TMEM201: variants seen among roughly 807,000 people sequenced by gnomAD.
TMEM201 encodes the protein transmembrane protein 201, also known as RP13-15M17.2.
A neutral mutation model predicts 63.4 loss-of-function variants in TMEM201; 26 were observed. The observed-to-expected ratio is 0.41, with a 90% CI of 0.30 to 0.57. The LOEUF is 0.57. Ranked by LOEUF, TMEM201 falls within the 20% of genes least tolerant of loss-of-function variation. The probability of loss-of-function intolerance (pLI) is 0.29; values close to 1 mark genes in which losing one functional copy is unlikely to be tolerated. For missense variants in TMEM201, 794 were observed against 917.7 expected (o/e 0.87, Z 1.74); for synonymous variants, 417 against 421.6 (o/e 0.99, Z 0.14).
In TMEM201 at chr1:9,610,547, C is replaced by T. The variant is rs1644308062; in HGVS notation, c.1507C>T (p.Leu503Phe). 6.5e-7 allele frequency: 1 copy of T among 1,546,616 alleles called. No homozygotes were observed. Among genetic ancestry groups the T allele is most frequent in the Admixed American group, 2.0e-5 (1 of 50,868 alleles). Residue 503 changes from leucine (L) to phenylalanine (F), a missense_variant, in exon 9 of 11, where the codon CTC becomes TTC. Leu to Phe is a conservative substitution (Grantham distance 22). Coordinates refer to ENST00000340381, the MANE Select transcript of TMEM201 (RefSeq NM_001130924.3). The surrounding 1 kb of genome is among the most constrained non-coding windows in gnomAD (Gnocchi z 4.9). ...LLSGSCPSSP[L>F]PSPAPSVAGS... ...GTCGGGGAGCTGCCCCTCCTCCCCA[C>T]TCCCTTCCCCAGCGCCTTCCGTGGC...
chr1:9,604,627 C>T lies in TMEM201; in HGVS notation c.1160+2355C>T. 1.0e-6 allele frequency: 1 copy of T among 985,606 alleles called. No individual in the cohort carries two copies. Among genetic ancestry groups the T allele is most frequent in the African/African-American group, 1.7e-5 (1 of 57,346 alleles). The allele number at this position is 985,606 out of a possible 1,614,324, so 61.1% of individuals were successfully genotyped here. A position where few individuals can be genotyped will look rare whatever the true frequency, so the allele number is the denominator to read the frequency against. On this transcript the variant is annotated intron_variant, in intron 6 of 10. Transcript: ENST00000340381. The surrounding 1 kb of genome is among the most constrained non-coding windows in gnomAD (Gnocchi z 4.1). ...GTCATCCTAGGTATGGGTGACCGTCCCTGAGACATAAGCGAGGTAGATTCA... is the reference window on the plus strand; with the variant it reads ...GTCATCCTAGGTATGGGTGACCGTCTCTGAGACATAAGCGAGGTAGATTCA...
At position 9,598,620 on chromosome 1, in the gene TMEM201, G is replaced by T; in HGVS notation, c.601G>T (p.Ala201Ser). 1 of 1,612,658 alleles carries T rather than the reference G, an allele frequency of 6.2e-7. No homozygotes were observed. Among genetic ancestry groups the T allele is most frequent in the Non-Finnish European group, 8.5e-7 (1 of 1,179,618 alleles). The change falls in exon 4 of 11, where the codon GCA (alanine) becomes TCA (serine). Residue 201 changes from alanine to serine, a missense_variant. Transcript: ENST00000340381. The stretch of plus-strand genomic sequence containing the variant: ...GCGCCGGGAGGCCGACCAGACCCAC[G>T]CACAGGTGAGAGGCGGCATCCACAG... ...FKRREADQTHAQNFSSAVKSP... is the reference protein window; with the variant it reads ...FKRREADQTHSQNFSSAVKSP...
chr1:9,604,004 C>T lies in TMEM201; in HGVS notation c.1160+1732C>T. On this transcript the variant is annotated intron_variant, in intron 6 of 10. Transcript: ENST00000340381. The surrounding 1 kb of genome is among the most constrained non-coding windows in gnomAD (Gnocchi z 4.1). ...CCAAAGCGGCCCCCCATGGTGTCTA[C>T]CTGAGGGGCAGGGAACCGCCTGCCT... 10 of 985,410 alleles carry T rather than the reference C, an allele frequency of 1.0e-5. No individual in the cohort carries two copies. The highest frequency in any genetic ancestry group is 1.1e-5 in the Non-Finnish European group (9 of 829,948). The allele number at this position is 985,410 out of a possible 1,614,324, so 61.0% of individuals were successfully genotyped here.
chr1:9,591,006 A>G (rs1309640940), intron 1 of TMEM201, among the ~76,000 whole-genome samples: 1 of 152,178 alleles, frequency 6.6e-6, no homozygotes, highest in Non-Finnish European at 1.5e-5. Context: ...AGAGATGGAC[A>G]GAGAGGAAGA....
Position 9,604,250 on chromosome 1 carries a change from T to C in TMEM201, c.1160+1978T>C. On this transcript the variant is annotated intron_variant, in intron 6 of 10. Coordinates refer to ENST00000340381, the MANE Select transcript of TMEM201 (RefSeq NM_001130924.3). This position sits in a 1 kb window ranked among gnomAD's most constrained non-coding sequence, Gnocchi z 4.1. ...GTATGTGCGTATTTAAATTAGATTATTTATAATAACCAGAGCCAGCCCTCG... is the reference window on the plus strand; with the variant it reads ...GTATGTGCGTATTTAAATTAGATTACTTATAATAACCAGAGCCAGCCCTCG... 1.0e-6 allele frequency: 1 copy of C among 985,452 alleles called. No individual in the cohort carries two copies. The highest frequency in any genetic ancestry group is 1.2e-6 in the Non-Finnish European group (1 of 829,930). The allele number at this position is 985,452 out of a possible 1,614,324, so 61.0% of individuals were successfully genotyped here.
At position 9,595,363 on chromosome 1, in the gene TMEM201, G is replaced by C. The variant is rs561419962; in HGVS notation, c.114-527G>C. Among the ~76,000 whole-genome samples, 911 of 152,284 alleles carry C rather than the reference G, an allele frequency of 6.0e-3. 7 individuals carry two copies. The highest frequency in any genetic ancestry group is 0.021 in the African/African-American group (875 of 41,554). On this transcript the variant is annotated intron_variant, in intron 1 of 10. Transcript: ENST00000340381. ...TCAGCCTCCTTGGCTCTCACATCCT[G>C]GGACTGTCTCTCTCTGGAGCACAGG...
At chr1:9,593,091 A>G (rs1643948393) in intron 1 of TMEM201, among the ~76,000 whole-genome samples, 1 of 152,204 alleles carries the variant, frequency 6.6e-6, no homozygotes, top group Admixed American at 6.5e-5. Context: ...TTATCAGGGA[A>G]ACTTGGGGGC....
At chr1:9,595,702 C>T (rs984741775) in intron 1 of TMEM201, among the ~76,000 whole-genome samples, 188 bp from the exon 2 acceptor site, 8 of 151,856 alleles carry the variant, frequency 5.3e-5, no homozygotes, top group African/African-American at 1.2e-4. Context: ...ACCTAGTCTG[C>T]GTTCCTCTCC....
At chr1:9,609,262 A>G (rs559913998) in intron 7 of TMEM201, among the ~76,000 whole-genome samples, 7 of 152,354 alleles carry the variant, frequency 4.6e-5, no homozygotes, top group African/African-American at 1.7e-4. Context: ...CAGAGCCCAC[A>G]GGTGGCAACA....
chr1:9,590,401 G>A (rs1056347170), intron 1 of TMEM201, among the ~76,000 whole-genome samples: 4 of 152,180 alleles, frequency 2.6e-5, no homozygotes, highest in East Asian at 1.9e-4. Context: ...AGGATGGGGG[G>A]TGTTGCCTCA....
chr1:9,593,579 C>T (rs1478860705), intron 1 of TMEM201, among the ~76,000 whole-genome samples: 1 of 152,202 alleles, frequency 6.6e-6, no homozygotes, highest in Non-Finnish European at 1.5e-5. Context: ...CATTCTAGAT[C>T]AGTGGAGCCA....
At chr1:9,596,829 C>G (rs767382590) in intron 2 of TMEM201, 30 bp from the exon 3 acceptor site, 8 of 1,555,182 alleles carry the variant, frequency 5.1e-6, no homozygotes, top group East Asian at 2.3e-5. Context: ...GGAGGGCCTG[C>G]CTGCCTCGAG....
rs1024796863 is a variant in TMEM201, at chr1:9,603,379, G to A, written c.1160+1107G>A. 5.1e-6 allele frequency: 5 copies of A among 985,400 alleles called. No individual in the cohort carries two copies. In the African/African-American group the frequency reaches 7.0e-5, roughly 14 times the overall value. 61.0% of individuals were successfully genotyped at this position (985,400 alleles called of 1,614,324 possible). A position where few individuals can be genotyped will look rare whatever the true frequency, so the allele number is the denominator to read the frequency against. On this transcript the variant is annotated intron_variant, in intron 6 of 10. Coordinates refer to ENST00000340381, the MANE Select transcript of TMEM201 (RefSeq NM_001130924.3). The surrounding 1 kb of genome is among the most constrained non-coding windows in gnomAD (Gnocchi z 4.5). ...GAGGACACACTCTGGAAGTCGAGGGGCTGCCACGTGCAGAGGAAGTTCCCG... is the reference window on the plus strand; with the variant it reads ...GAGGACACACTCTGGAAGTCGAGGGACTGCCACGTGCAGAGGAAGTTCCCG...
rs538850812 is a variant in TMEM201, at chr1:9,604,832, C to T, written c.1160+2560C>T. ...CTGTTGCTGAGTCTCTGTCTCATGT[C>T]GTAGAATTGTGGATAATTGTCTAGT... On this transcript the variant is annotated intron_variant, in intron 6 of 10. Coordinates refer to ENST00000340381, the MANE Select transcript of TMEM201 (RefSeq NM_001130924.3). The surrounding 1 kb of genome is among the most constrained non-coding windows in gnomAD (Gnocchi z 4.1). The T allele has an allele frequency of 1.3e-5, 13 of 985,850 alleles. No homozygotes were observed. Among genetic ancestry groups the T allele is most frequent in the Non-Finnish European group, 1.6e-5 (13 of 830,004 alleles). 61.1% of individuals were successfully genotyped at this position (985,850 alleles called of 1,614,324 possible).
chr1:9,606,006 G>A (rs1057212942), intron 6 of TMEM201, among the ~76,000 whole-genome samples: 17 of 152,140 alleles, frequency 1.1e-4, no homozygotes, highest in African/African-American at 3.6e-4. Context: ...GAAGCCTAGC[G>A]CAGAGCCCTG....
In TMEM201 at chr1:9,603,930, G is replaced by A. The variant is rs76706345; in HGVS notation, c.1160+1658G>A. ...AAAACCCCTCTGAAAAGATGTGGTC[G>A]GGGCCACGCTTCCCACTGGTTCTGC... is the stretch of plus-strand genomic sequence containing the variant. On this transcript the variant is annotated intron_variant, in intron 6 of 10. Coordinates refer to ENST00000340381, the MANE Select transcript of TMEM201 (RefSeq NM_001130924.3). The surrounding 1 kb of genome is among the most constrained non-coding windows in gnomAD (Gnocchi z 4.5). The A allele has an allele frequency of 3.3e-5, 33 of 985,460 alleles. No individual in the cohort carries two copies. In the East Asian group the frequency reaches 1.8e-3, roughly 54 times the overall value. The allele number at this position is 985,460 out of a possible 1,614,324, so 61.0% of individuals were successfully genotyped here.
chr1:9,604,580 G>C lies in TMEM201; in HGVS notation c.1160+2308G>C, dbSNP rs1331527627. The C allele has an allele frequency of 1.0e-5, 10 of 985,472 alleles. No individual in the cohort carries two copies. Among genetic ancestry groups the C allele is most frequent in the Non-Finnish European group, 1.2e-5 (10 of 829,934 alleles). 61.0% of individuals were successfully genotyped at this position (985,472 alleles called of 1,614,324 possible). On this transcript the variant is annotated intron_variant, in intron 6 of 10. Coordinates refer to ENST00000340381, the MANE Select transcript of TMEM201 (RefSeq NM_001130924.3). The surrounding 1 kb of genome is among the most constrained non-coding windows in gnomAD (Gnocchi z 4.1). The stretch of plus-strand genomic sequence containing the variant: ...CGCGGGGGACTTGGGATGGCCATCA[G>C]ACCTTCTAGGGTCTGGCTGGGGTCA...
intron 1 of TMEM201, among the ~76,000 whole-genome samples, chr1:9,594,796 G>T (rs1220093899): frequency 6.6e-6 from 1 of 152,242 alleles, no homozygotes; most frequent in Non-Finnish European, 1.5e-5. Context: ...AGCCGGGGGT[G>T]CTGTGGTTGC....
Position 9,610,919 on chromosome 1 carries a change from C to G in TMEM201, c.1765+114C>G. The G allele has an allele frequency of 1.3e-6, 2 of 1,493,038 alleles. No individual in the cohort carries two copies. The highest frequency in any genetic ancestry group is 1.8e-6 in the Non-Finnish European group (2 of 1,113,776). The allele number at this position is 1,493,038 out of a possible 1,614,324, so 92.5% of individuals were successfully genotyped here. A position where few individuals can be genotyped will look rare whatever the true frequency, so the allele number is the denominator to read the frequency against. Reference sequence around the variant, plus strand: ...GCTCTGACTCCGGTGTGCGCCTTCCCACCCTGGAGCTCTAGGCACCCCATT... The same window carrying G: ...GCTCTGACTCCGGTGTGCGCCTTCCGACCCTGGAGCTCTAGGCACCCCATT... On this transcript the variant is annotated intron_variant, in intron 9 of 10. Transcript: ENST00000340381. This position sits in a 1 kb window ranked among gnomAD's most constrained non-coding sequence, Gnocchi z 4.9.
Sources: gnomAD v4.1 joint callset for allele counts (sites outside exome capture counted in the v4.1 genomes callset) on GRCh38, gnomAD v4.1.1 for gene constraint, Gnocchi (gnomAD v3.1) non-coding constraint, MANE v1.5 for transcripts, NCBI Gene and HGNC (gene_info 2026-07-23, HGNC 2026-07-21) for gene names.